The following ARFGAP3 variants were observed in gnomAD, a reference collection of about 807,000 sequenced individuals.
The protein encoded by ARFGAP3 is ADP-ribosylation factor GTPase-activating protein 3.
In ARFGAP3, 72 loss-of-function variants were observed where a neutral mutation model predicts 75.0. The ratio of observed to expected loss-of-function variants is 0.96; its 90% CI spans 0.79 to 1.17. ARFGAP3 has a LOEUF of 1.17. Ranked by LOEUF, ARFGAP3 falls within the 50% of genes most tolerant of loss-of-function variation. The probability of loss-of-function intolerance (pLI) is 0.00; values close to 1 mark genes in which losing one functional copy is unlikely to be tolerated. For synonymous variants in ARFGAP3, 221 were observed against 217.9 expected, an observed-to-expected ratio of 1.01 and a Z score of -0.13; for missense variants, 620 against 626.6, an observed-to-expected ratio of 0.99 and a Z score of 0.11.
chr22:42,822,955 A>T (rs1003734197), intron 8 of ARFGAP3, among the ~76,000 whole-genome samples: 4 of 151,918 alleles, frequency 2.6e-5, no homozygotes. Flanking sequence ...GACTACAGGC[A>T]CGGGCCACCA....
intron 14 of ARFGAP3, 152 bp from the exon 15 acceptor site, chr22:42,799,312 T>C: frequency 7.1e-7 from 1 of 1,399,106 alleles, no homozygotes; most frequent in South Asian, 1.4e-5. Context: ...AGACTCGGGC[T>C]GAAGTGGCAG....
intron 9 of ARFGAP3, among the ~76,000 whole-genome samples, chr22:42,818,914 G>A (rs1185911171): frequency 6.6e-6 from 1 of 151,120 alleles, no homozygotes; most frequent in African/African-American, 2.4e-5. Flanking sequence ...CGAGGTTCAA[G>A]CAATTCTCCT....
intron 9 of ARFGAP3, among the ~76,000 whole-genome samples, chr22:42,819,585 G>A (rs553344269): frequency 2.6e-5 from 4 of 152,120 alleles, no homozygotes; most frequent in Non-Finnish European, 5.9e-5. Context: ...TCAAACAAGC[G>A]GAGCAGCTCA....
At chr22:42,843,163 C>G (rs969799105) in intron 2 of ARFGAP3, among the ~76,000 whole-genome samples, 1 of 152,012 alleles carries the variant, frequency 6.6e-6, no homozygotes, top group African/African-American at 2.4e-5. Flanking sequence ...CTGCTCTGCC[C>G]AGGCTGAGTC....
At chr22:42,798,234 C>A (rs995572349) in intron 15 of ARFGAP3, among the ~76,000 whole-genome samples, 1 of 151,660 alleles carries the variant, frequency 6.6e-6, no homozygotes, top group Non-Finnish European at 1.5e-5. Flanking sequence ...AAAACGGCTA[C>A]ATCCAGAGTC....
At chr22:42,829,541 G>T (rs958650672) in intron 6 of ARFGAP3, among the ~76,000 whole-genome samples, 1 of 120,584 alleles carries the variant, frequency 8.3e-6, no homozygotes, top group Non-Finnish European at 1.9e-5. Flanking sequence ...CCTAAAAAAA[G>T]AATGTGGAAA....
intron 11 of ARFGAP3, among the ~76,000 whole-genome samples, chr22:42,813,171 AC>A (rs1172859454): frequency 6.6e-6 from 1 of 152,274 alleles, no homozygotes. Context: ...CTAGGGGAAG[AC>A]AAAGGGCAAG....
At chr22:42,801,133 C>T (rs1337920782) in intron 14 of ARFGAP3, among the ~76,000 whole-genome samples, 1 of 152,140 alleles carries the variant, frequency 6.6e-6, no homozygotes, top group Admixed American at 6.5e-5. Flanking sequence ...GGTGCCTGAG[C>T]ATGAGGAGGC....
chr22:42,832,519 G>A (rs1169085057), intron 5 of ARFGAP3, among the ~76,000 whole-genome samples: 2 of 140,380 alleles, frequency 1.4e-5, no homozygotes, highest in Admixed American at 1.5e-4. Flanking sequence ...TGACAGAAGA[G>A]TAAGACTCCA....
chr22:42,831,184 G>A (rs181399410), intron 6 of ARFGAP3, among the ~76,000 whole-genome samples: 1,587 of 151,730 alleles, frequency 0.01, 28 homozygotes, highest in African/African-American at 0.036. Context: ...CTTCTAGGGA[G>A]GCTGAGGCAG....
intron 2 of ARFGAP3, among the ~76,000 whole-genome samples, chr22:42,845,271 T>C (rs1179309627): frequency 6.6e-6 from 1 of 152,092 alleles, no homozygotes; most frequent in East Asian, 1.9e-4. Flanking sequence ...GCCGGGGTAA[T>C]CCCAGCACTT....
chr22:42,823,737 T>C (rs777359833), intron 7 of ARFGAP3, 35 bp from the exon 8 acceptor site: 22 of 1,481,132 alleles, frequency 1.5e-5, no homozygotes, highest in Non-Finnish European at 1.7e-5. Flanking sequence ...GTAAGACCAA[T>C]AGAAATAATT....
At chr22:42,811,791 T>C (rs561745087) in intron 11 of ARFGAP3, among the ~76,000 whole-genome samples, 1 of 152,186 alleles carries the variant, frequency 6.6e-6, no homozygotes, top group Non-Finnish European at 1.5e-5. Flanking sequence ...CCTGTGTGAT[T>C]AGAGAAAAAT....
chr22:42,799,461 C>T (rs149085147), intron 14 of ARFGAP3, among the ~76,000 whole-genome samples: 6 of 152,262 alleles, frequency 3.9e-5, no homozygotes, highest in Non-Finnish European at 8.8e-5. Flanking sequence ...CTCTCTGGGC[C>T]CATTTCCTCA....
intron 7 of ARFGAP3, among the ~76,000 whole-genome samples, chr22:42,826,664 C>T (rs994236431): frequency 6.6e-6 from 1 of 151,990 alleles, no homozygotes; most frequent in Admixed American, 6.6e-5. Context: ...CTTCATAAAG[C>T]GTTAGGATTA....
chr22:42,819,584 C>T (rs535023089), intron 9 of ARFGAP3, among the ~76,000 whole-genome samples: 3 of 152,142 alleles, frequency 2.0e-5, no homozygotes, highest in South Asian at 2.1e-4. Flanking sequence ...ATCAAACAAG[C>T]GGAGCAGCTC....
At chr22:42,821,691 T>C (rs899992381) in intron 9 of ARFGAP3, among the ~76,000 whole-genome samples, 15 of 152,246 alleles carry the variant, frequency 9.9e-5, no homozygotes, top group Admixed American at 7.9e-4. Context: ...TGAACATTCA[T>C]GCACGAGTTT....
intron 11 of ARFGAP3, among the ~76,000 whole-genome samples, chr22:42,812,992 G>A (rs1259292960): frequency 6.6e-6 from 1 of 152,266 alleles, no homozygotes; most frequent in African/African-American, 2.4e-5. Flanking sequence ...GAAGGAACCG[G>A]AAGTTACATC....
chr22:42,855,705 TA>T (rs112759662), intron 1 of ARFGAP3, among the ~76,000 whole-genome samples: 1,324 of 129,956 alleles, frequency 0.01, 3 homozygotes, highest in Non-Finnish European at 0.012. Flanking sequence ...ATTAAAACGT[TA>T]AAAAAAAAAA....
Sources: gnomAD v4.1 joint callset for allele counts (sites outside exome capture counted in the v4.1 genomes callset) on GRCh38, gnomAD v4.1.1 for gene constraint, MANE v1.5 for transcripts, NCBI Gene and HGNC (gene_info 2026-07-23, HGNC 2026-07-21) for gene names.